Variants in PADI2 observed in about 807,000 individuals in gnomAD.
PADI2 encodes the protein peptidyl arginine deiminase 2, also known as protein-arginine deiminase type-2.
PADI2 carries 70 observed loss-of-function variants against 81.1 expected under a neutral mutation model. The observed-to-expected ratio is 0.86, with a 90% CI of 0.71 to 1.05. PADI2 has a LOEUF of 1.05. Ranked by LOEUF, PADI2 falls within the 50% of genes least tolerant of loss-of-function variation. The pLI, the probability that PADI2 is intolerant of heterozygous loss-of-function variation, is 0.00. For missense variants in PADI2, 853 were observed against 889.9 expected (o/e 0.96, Z 0.53); for synonymous variants, 338 against 358.0 (o/e 0.94, Z 0.63).
intron 1 of PADI2, among the ~76,000 whole-genome samples, chr1:17,111,833 C>T (rs1931589853): frequency 1.3e-5 from 2 of 152,262 alleles, no homozygotes; most frequent in Non-Finnish European, 1.5e-5. Context: ...GATTTCCAAG[C>T]AACAGGACAG....
chr1:17,104,741 C>T, intron 2 of PADI2, 137 bp downstream of exon 2: 1 of 731,608 alleles, frequency 1.4e-6, no homozygotes, highest in East Asian at 3.0e-5. Flanking sequence ...CCTCTTTTTG[C>T]CTTTTCAATG....
In PADI2 at chr1:17,116,597, C is replaced by T. The variant is rs192592022; in HGVS notation, c.92+2683G>A. Among the ~76,000 whole-genome samples the T allele has an allele frequency of 1.2e-3, 186 of 152,252 alleles. 3 individuals are homozygous for T. The highest frequency in any genetic ancestry group is 1.2e-3 in the East Asian group (6 of 5,172). ...AGAGACACAGGCTGAGAGGGCCGTC[C>T]AGTTCAACCCGCTGGTTTTAGGGTC... is the stretch of plus-strand genomic sequence containing the variant. On this transcript the variant is annotated intron_variant, in intron 1 of 15. Transcript: ENST00000375486.
intron 2 of PADI2, among the ~76,000 whole-genome samples, chr1:17,103,671 C>T (rs543694518): frequency 6.6e-6 from 1 of 152,064 alleles, no homozygotes; most frequent in East Asian, 1.9e-4. Context: ...AACCCCACAA[C>T]ATCCACATGG....
At chr1:17,108,255 A>T (rs571762583) in intron 1 of PADI2, among the ~76,000 whole-genome samples, 21 of 152,202 alleles carry the variant, frequency 1.4e-4, no homozygotes, top group African/African-American at 4.8e-4. Context: ...GGCCACATCC[A>T]TCATTAAGAG....
intron 12 of PADI2, 191 bp from the exon 13 acceptor site, chr1:17,075,140 C>T (rs775943689): frequency 3.3e-5 from 17 of 508,324 alleles, no homozygotes; most frequent in Non-Finnish European, 5.6e-5. Flanking sequence ...TCTACCTCAG[C>T]AATGTCACCA....
chr1:17,117,964 A>C (rs1931815281), intron 1 of PADI2, among the ~76,000 whole-genome samples: 2 of 152,218 alleles, frequency 1.3e-5, no homozygotes, highest in Admixed American at 6.5e-5. Context: ...CATGGGGGAC[A>C]ACTGAAGCCC....
At chr1:17,082,443 A>G in intron 10 of PADI2, 102 bp downstream of exon 10, 1 of 756,160 alleles carries the variant, frequency 1.3e-6, no homozygotes, top group Non-Finnish European at 2.4e-6. Context: ...GGCTCTGGGC[A>G]GCAGATGAAT....
chr1:17,101,187 C>A (rs1029247303), intron 3 of PADI2, among the ~76,000 whole-genome samples: 2 of 152,104 alleles, frequency 1.3e-5, no homozygotes, highest in Admixed American at 6.5e-5. Flanking sequence ...TCAGCCATGC[C>A]GCCAACTCTG....
chr1:17,079,818 G>A (rs2078331106), intron 10 of PADI2, among the ~76,000 whole-genome samples: 1 of 147,830 alleles, frequency 6.8e-6, no homozygotes, highest in African/African-American at 2.5e-5. Context: ...TTTCTGAGAT[G>A]GAGTCTTGCT....
At position 17,075,691 on chromosome 1, in the gene PADI2, G is replaced by T. The variant is rs146438183; in HGVS notation, c.1443C>A (p.Ile481=). 43 of 1,611,906 alleles carry T rather than the reference G, an allele frequency of 2.7e-5. No homozygotes were observed. Among genetic ancestry groups the T allele is most frequent in the Non-Finnish European group, 3.1e-5 (36 of 1,179,224 alleles). The change falls in exon 12 of 16, where the codon ATC becomes ATA. Residue 481 remains isoleucine, a synonymous_variant. Coordinates refer to ENST00000375486, the MANE Select transcript of PADI2 (RefSeq NM_007365.3). The part of the protein sequence containing the change: ...HVDEFMSFVP[I]PGTKKFLLLM... ...GAGGCTAGCTTACCTTTGTGCCGGG[G>T]ATGGGGACAAAGGACATGAACTCAT...
intron 13 of PADI2, among the ~76,000 whole-genome samples, chr1:17,073,713 C>T (rs1455611420): frequency 6.6e-6 from 1 of 152,040 alleles, no homozygotes; most frequent in Non-Finnish European, 1.5e-5. Context: ...TCACACAATA[C>T]ACCCAGGTAA....
At chr1:17,082,499 A>T in intron 10 of PADI2, 46 bp downstream of exon 10, 1 of 1,216,272 alleles carries the variant, frequency 8.2e-7, no homozygotes, top group East Asian at 2.3e-5. Flanking sequence ...TCTTATGAGA[A>T]TCTCCAGGAT....
At position 17,070,099 on chromosome 1, in the gene PADI2, A is replaced by C. The variant is rs2078254408; in HGVS notation, c.1753T>G (p.Phe585Val). ...MDEDHRARAF[F>V]PNMVNMIVLD... ...CTGCAGGGCCTCACCATGTTTGGGA[A>C]GAAGGCTCTGGCACGGTGGTCCTCG... Residue 585 changes from phenylalanine (F) to valine (V), a missense_variant, in exon 15 of 16, where the codon TTC (phenylalanine) becomes GTC (valine). Phe to Val is a conservative substitution (Grantham distance 50). Coordinates refer to ENST00000375486, the MANE Select transcript of PADI2 (RefSeq NM_007365.3). The C allele has an allele frequency of 6.2e-7, 1 of 1,613,820 alleles. No homozygotes were observed. Among genetic ancestry groups the C allele is most frequent in the African/African-American group, 1.3e-5 (1 of 74,924 alleles).
At chr1:17,106,042 G>T (rs145358396) in intron 1 of PADI2, among the ~76,000 whole-genome samples, 1 of 152,086 alleles carries the variant, frequency 6.6e-6, no homozygotes, top group South Asian at 2.1e-4. Context: ...GCCCAGGGTC[G>T]CTGAGTAAAG....
chr1:17,093,763 C>T, intron 4 of PADI2, 79 bp from the exon 5 acceptor site: 1 of 870,694 alleles, frequency 1.1e-6, no homozygotes, highest in Non-Finnish European at 1.9e-6. Flanking sequence ...GAGATAGCCC[C>T]AGGATGAGGG....
chr1:17,101,410 T>A (rs1557769729), intron 3 of PADI2, among the ~76,000 whole-genome samples: 1 of 152,202 alleles, frequency 6.6e-6, no homozygotes, highest in Non-Finnish European at 1.5e-5. Flanking sequence ...GGTGTCCCTA[T>A]CTTGGTGGGA....
chr1:17,103,971 G>A (rs1251435004), intron 2 of PADI2, among the ~76,000 whole-genome samples: 1 of 151,562 alleles, frequency 6.6e-6, no homozygotes, highest in Non-Finnish European at 1.5e-5. Flanking sequence ...GAGTCAGAGT[G>A]AGATCCTGTC....
At chr1:17,082,472 G>C (rs2078351295) in intron 10 of PADI2, 73 bp downstream of exon 10, 3 of 977,640 alleles carry the variant, frequency 3.1e-6, no homozygotes, top group Non-Finnish European at 3.3e-6. Context: ...GCGGCCCAGG[G>C]TCTCCTGACC....
chr1:17,076,454 C>T (rs2078303675), intron 11 of PADI2, among the ~76,000 whole-genome samples: 1 of 152,134 alleles, frequency 6.6e-6, no homozygotes, highest in South Asian at 2.1e-4. Flanking sequence ...ACCTCATGAT[C>T]CGCCCTCCTT....
Sources: allele counts gnomAD v4.1 joint callset (sites outside exome capture counted in the v4.1 genomes callset), GRCh38; gene constraint gnomAD v4.1.1; transcripts MANE v1.5; gene names NCBI Gene and HGNC (gene_info 2026-07-23, HGNC 2026-07-21).